Variants in MINAR1 observed in about 807,000 individuals in gnomAD.
The protein encoded by MINAR1 is major intrinsically disordered Notch2-binding receptor 1.
Under a neutral mutation model 65.1 loss-of-function variants are expected in MINAR1, and 40 were observed. The observed-to-expected ratio is 0.61, with a 90% CI of 0.48 to 0.80. The LOEUF (loss-of-function observed/expected upper bound fraction) is 0.80. Ranked by LOEUF, MINAR1 falls within the 30% of genes least tolerant of loss-of-function variation. The pLI is 0.00. For missense variants in MINAR1, 1,128 were observed against 1,148.0 expected (o/e 0.98, Z 0.25); for synonymous variants, 482 against 449.1 (o/e 1.07, Z -0.93).
At chr15:79,464,224 G>A (rs948722875) in intron 3 of MINAR1, among the ~76,000 whole-genome samples, 1 of 152,218 alleles carries the variant, frequency 6.6e-6, no homozygotes, top group Non-Finnish European at 1.5e-5. Context: ...ATCTGATTGA[G>A]GTTCAGTCCC....
At chr15:79,429,687 G>A (rs114533974), upstream of MINAR1, among the ~76,000 whole-genome samples, 530 of 152,280 alleles carry the variant, frequency 3.5e-3, 1 homozygote, top group African/African-American at 8.5e-3. Flanking sequence ...ATGAATTCGC[G>A]TCATCCCCCA....
At chr15:79,440,875 T>C (rs1894851414) in intron 1 of MINAR1, among the ~76,000 whole-genome samples, 1 of 152,246 alleles carries the variant, frequency 6.6e-6, no homozygotes, top group Admixed American at 6.5e-5. Flanking sequence ...ATTTCGCTTA[T>C]TATCTGTCTC....
chr15:79,440,928 G>A (rs555999347), intron 1 of MINAR1, among the ~76,000 whole-genome samples: 53 of 152,094 alleles, frequency 3.5e-4, no homozygotes, highest in African/African-American at 1.1e-3. Context: ...TTTTTGTTTT[G>A]TTCATTGTCT....
At chr15:79,427,908 A>T (rs1894348390), upstream of MINAR1, among the ~76,000 whole-genome samples, 1 of 152,162 alleles carries the variant, frequency 6.6e-6, no homozygotes, top group Non-Finnish European at 1.5e-5. Context: ...CTCAGAGGAG[A>T]ATCAGAGAGG....
intron 1 of MINAR1, among the ~76,000 whole-genome samples, chr15:79,439,393 TGTGTG>T (rs1363397395): frequency 9.1e-6 from 1 of 109,756 alleles, no homozygotes; most frequent in Non-Finnish European, 1.9e-5. Context: ...TGTGTGGGTG[TGTGTG>T]GGTAGTGATG....
chr15:79,442,372 C>T (rs1483465736), intron 1 of MINAR1, among the ~76,000 whole-genome samples: 1 of 151,872 alleles, frequency 6.6e-6, no homozygotes, highest in East Asian at 1.9e-4. Flanking sequence ...TGAAAGGCCA[C>T]CTTTAAAATA....
In MINAR1 at chr15:79,457,397, C is replaced by G. The variant is rs77230768; in HGVS notation, c.1250C>G (p.Pro417Arg). 1 of 1,614,028 alleles carries G rather than the reference C, an allele frequency of 6.2e-7. No homozygotes were observed. The highest frequency in any genetic ancestry group is 1.3e-5 in the African/African-American group (1 of 74,930). The change falls in exon 2 of 4, where the codon CCA (proline) becomes CGA (arginine). Residue 417 changes from proline (P) to arginine (R), a missense_variant. By Grantham distance (103) the Pro-to-Arg change is moderately radical. Coordinates refer to ENST00000305428, the MANE Select transcript of MINAR1 (RefSeq NM_015206.3). ...APERRPTYLV[P>R]KDQQPILPIA... is the part of the protein sequence containing the mutation. ...GAAAGGCGCCCAACTTACCTTGTGC[C>G]AAAGGATCAACAGCCAATTCTCCCC...
At chr15:79,448,977 T>C (rs1182814638) in intron 1 of MINAR1, among the ~76,000 whole-genome samples, 2 of 152,162 alleles carry the variant, frequency 1.3e-5, no homozygotes, top group Non-Finnish European at 2.9e-5. Context: ...TCATTTTAGC[T>C]CTGTAGACTG....
chr15:79,444,853 A>C (rs1213737797), intron 1 of MINAR1, among the ~76,000 whole-genome samples: 1 of 151,906 alleles, frequency 6.6e-6, no homozygotes, highest in Non-Finnish European at 1.5e-5. Flanking sequence ...ACTTGAAAAG[A>C]ATGTGTATTC....
intron 1 of MINAR1, among the ~76,000 whole-genome samples, chr15:79,436,790 C>A (rs895585640): frequency 6.6e-6 from 1 of 152,210 alleles, no homozygotes; most frequent in Non-Finnish European, 1.5e-5. Context: ...GTTCCATGCC[C>A]TTAGCCAATG....
At chr15:79,455,433 T>C (rs1251709735) in intron 1 of MINAR1, among the ~76,000 whole-genome samples, 1 of 152,212 alleles carries the variant, frequency 6.6e-6, no homozygotes, top group Non-Finnish European at 1.5e-5. Context: ...ACTTACACTT[T>C]CTAGTTTAGA....
chr15:79,437,206 T>G (rs1894625909), intron 1 of MINAR1, among the ~76,000 whole-genome samples: 1 of 152,112 alleles, frequency 6.6e-6, no homozygotes, highest in Non-Finnish European at 1.5e-5. Flanking sequence ...GAGGCAAAAT[T>G]TGGGAAACAA....
At chr15:79,436,558 G>C (rs1894604497) in intron 1 of MINAR1, among the ~76,000 whole-genome samples, 1 of 152,246 alleles carries the variant, frequency 6.6e-6, no homozygotes, top group South Asian at 2.1e-4. Flanking sequence ...ATAATAAACA[G>C]AAGGTGCTTT....
At chr15:79,450,549 A>C (rs776803978) in intron 1 of MINAR1, among the ~76,000 whole-genome samples, 17 of 151,052 alleles carry the variant, frequency 1.1e-4, no homozygotes, top group Non-Finnish European at 2.1e-4. Flanking sequence ...AAAAAAAAAA[A>C]GCTGAATAAT....
Position 79,435,950 on chromosome 15 carries a change from T to C in MINAR1, c.-51+3410T>C, listed in dbSNP as rs762919623. On this transcript the variant is annotated intron_variant, in intron 1 of 3. Transcript: ENST00000305428. ...TGGTAAGATTGCATTTTCCTGTTAA[T>C]TTGAAATCAGGTATGGCCATGTGAC... Among the ~76,000 whole-genome samples the C allele has an allele frequency of 2.8e-4, 42 of 152,236 alleles. 1 individual carries two copies. The highest frequency in any genetic ancestry group is 5.4e-4 in the Non-Finnish European group (37 of 68,046).
At chr15:79,464,303 A>G (rs1179347838) in intron 3 of MINAR1, among the ~76,000 whole-genome samples, 1 of 152,224 alleles carries the variant, frequency 6.6e-6, no homozygotes, top group Non-Finnish European at 1.5e-5. Flanking sequence ...TATTTAAAGT[A>G]CCTGGCATCA....
At position 79,457,072 on chromosome 15, in the gene MINAR1, A is replaced by G; in HGVS notation, c.925A>G (p.Asn309Asp). 6.2e-7 allele frequency: 1 copy of G among 1,614,160 alleles called. No individual in the cohort carries two copies. The highest frequency in any genetic ancestry group is 8.5e-7 in the Non-Finnish European group (1 of 1,180,030). The change falls in exon 2 of 4, where the codon AAC becomes GAC. Residue 309 changes from asparagine (N) to aspartate (D), a missense_variant. Transcript: ENST00000305428. ...FFNHSFEMPY[N>D]SQYLNPVYSP... Reference sequence around the variant, plus strand: ...CAACCACAGCTTTGAAATGCCCTATAACAGCCAGTACCTGAATCCAGTGTA... The same window carrying G: ...CAACCACAGCTTTGAAATGCCCTATGACAGCCAGTACCTGAATCCAGTGTA...
intron 3 of MINAR1, among the ~76,000 whole-genome samples, chr15:79,467,251 G>A (rs758282424): frequency 6.6e-6 from 1 of 152,206 alleles, no homozygotes; most frequent in Non-Finnish European, 1.5e-5. Flanking sequence ...CCATGTTTAT[G>A]AGCATTAAAC....
chr15:79,457,211 T>TAGGG lies in MINAR1; in HGVS notation c.1066_1069dup (p.Lys357ArgfsTer23), dbSNP rs745524495. On this transcript the variant is annotated frameshift_variant, in exon 2 of 4. Coordinates refer to ENST00000305428, the MANE Select transcript of MINAR1 (RefSeq NM_015206.3). LOFTEE classifies it high-confidence loss of function. Reference sequence around the variant, plus strand: ...GGAACCCAAGAAGCCAGGCGCTGTCTAGGGAAGCCCAACAAGCAGACTCCC... The same window carrying TAGGG: ...GGAACCCAAGAAGCCAGGCGCTGTCTAGGGAGGGAAGCCCAACAAGCAGACTCCC... 6.2e-7 allele frequency: 1 copy of TAGGG among 1,614,044 alleles called. No individual in the cohort carries two copies. Among genetic ancestry groups the TAGGG allele is most frequent in the Non-Finnish European group, 8.5e-7 (1 of 1,179,974 alleles).
Sources: gnomAD v4.1 joint callset for allele counts (sites outside exome capture counted in the v4.1 genomes callset) on GRCh38, gnomAD v4.1.1 for gene constraint, MANE v1.5 for transcripts, NCBI Gene and HGNC (gene_info 2026-07-23, HGNC 2026-07-21) for gene names.